MRTFB: variants seen among roughly 807,000 people sequenced by gnomAD.
MRTFB encodes the protein myocardin-related transcription factor B.
In MRTFB, 29 loss-of-function variants were observed where a neutral mutation model predicts 104.2. That is an observed-to-expected ratio of 0.28 (90% confidence interval 0.21 to 0.38). The LOEUF (loss-of-function observed/expected upper bound fraction) is 0.38, where lower values mean the gene tolerates loss of function less well. Among genes scored for constraint, MRTFB ranks in the 10% least tolerant of loss-of-function variants. The probability of loss-of-function intolerance (pLI) is 1.00; values close to 1 mark genes in which losing one functional copy is unlikely to be tolerated. For synonymous variants in MRTFB, 535 were observed against 519.5 expected, an observed-to-expected ratio of 1.03 and a Z score of -0.41; for missense variants, 1,270 against 1,341.6, an observed-to-expected ratio of 0.95 and a Z score of 0.83.
chr16:14,198,239 TTTGGGC>T (rs2040525486), intron 3 of MRTFB, among the ~76,000 whole-genome samples: 2 of 152,248 alleles, frequency 1.3e-5, no homozygotes, highest in Non-Finnish European at 2.9e-5. Flanking sequence ...GTTGATGACA[TTTGGGC>T]AGTTTCTGCC....
chr16:14,037,309 G>T, the MRTFB span, among the ~76,000 whole-genome samples: 1 of 152,218 alleles, frequency 6.6e-6, no homozygotes, highest in Non-Finnish European at 1.5e-5. Context: ...GTAGATCATG[G>T]TTATTGTTAT....
the MRTFB span, among the ~76,000 whole-genome samples, chr16:14,053,547 A>AT: frequency 6.6e-6 from 1 of 152,072 alleles, no homozygotes; most frequent in African/African-American, 2.4e-5. Context: ...TCTGGCCAAC[A>AT]TGGTGAAACC....
intron 4 of MRTFB, among the ~76,000 whole-genome samples, chr16:14,211,503 T>G (rs2041188150): frequency 6.6e-6 from 1 of 152,182 alleles, no homozygotes; most frequent in Non-Finnish European, 1.5e-5. Context: ...GGAATCCCAG[T>G]CCTCTATCCC....
chr16:14,237,897 A>G (rs1327002832), intron 9 of MRTFB, among the ~76,000 whole-genome samples: 1 of 152,180 alleles, frequency 6.6e-6, no homozygotes, highest in East Asian at 1.9e-4. Context: ...AAGAGTAGGA[A>G]AATTAAAGGA....
chr16:14,079,992 T>C (rs1228347357), intron 2 of MRTFB, among the ~76,000 whole-genome samples: 4 of 152,254 alleles, frequency 2.6e-5, no homozygotes, highest in Admixed American at 6.5e-5. Flanking sequence ...TCTGCGGGAA[T>C]TGGAAAGATA....
intron 3 of MRTFB, chr16:14,151,652 C>T (rs2038620793): frequency 6.6e-6 from 1 of 152,178 alleles, no homozygotes; most frequent in Admixed American, 6.5e-5. Flanking sequence ...CATGTACCTT[C>T]ATAACATTTG....
chr16:14,161,108 T>C (rs1180416903), intron 3 of MRTFB, among the ~76,000 whole-genome samples: 40 of 147,668 alleles, frequency 2.7e-4, no homozygotes. Flanking sequence ...TTTTTTTTTT[T>C]TTTGTAATCG....
intron 2 of MRTFB, among the ~76,000 whole-genome samples, chr16:14,079,751 G>T (rs543393946): frequency 6.7e-6 from 1 of 150,324 alleles, no homozygotes; most frequent in East Asian, 1.9e-4. Flanking sequence ...AAAATTTTGG[G>T]TTTTTTTTTA....
chr16:14,242,925 C>T (rs1368310870), intron 10 of MRTFB, among the ~76,000 whole-genome samples: 1 of 151,778 alleles, frequency 6.6e-6, no homozygotes, highest in Non-Finnish European at 1.5e-5. Context: ...TAATACCACT[C>T]ACAAGGAAGC....
chr16:14,156,022 G>T (rs1417768765), intron 3 of MRTFB, among the ~76,000 whole-genome samples: 1 of 152,028 alleles, frequency 6.6e-6, no homozygotes, highest in Non-Finnish European at 1.5e-5. Context: ...AAGCTCCTGT[G>T]TGATTTCTCC....
chr16:14,087,314 G>T (rs1010158597), intron 2 of MRTFB, among the ~76,000 whole-genome samples: 4 of 152,166 alleles, frequency 2.6e-5, no homozygotes, highest in Non-Finnish European at 5.9e-5. Context: ...TTAAGGATAT[G>T]TACTGAACCT....
chr16:14,242,235 G>A (rs1037740062), intron 10 of MRTFB, among the ~76,000 whole-genome samples: 1 of 152,030 alleles, frequency 6.6e-6, no homozygotes, highest in Non-Finnish European at 1.5e-5. Flanking sequence ...TAGATAGGAA[G>A]AATCCATCAG....
chr16:14,033,362 A>G, the MRTFB span, among the ~76,000 whole-genome samples: 1 of 139,062 alleles, frequency 7.2e-6, no homozygotes, highest in South Asian at 2.4e-4. Flanking sequence ...CCTGGGCAAT[A>G]TAGCAAGACC....
intron 15 of MRTFB, among the ~76,000 whole-genome samples, chr16:14,255,886 G>C (rs375915295): frequency 1.3e-5 from 2 of 152,030 alleles, no homozygotes; most frequent in Non-Finnish European, 2.9e-5. Context: ...GGCGAAGTGG[G>C]AGGATTGCTT....
Position 14,265,635 on chromosome 16 carries a change from C to T in MRTFB, c.*4191C>T, listed in dbSNP as rs1347477031. 2.6e-5 allele frequency: 4 copies of T among 152,206 alleles called. No individual in the cohort carries two copies. Among genetic ancestry groups the T allele is most frequent in the Admixed American group, 1.3e-4 (2 of 15,284 alleles). 9.4% of individuals were successfully genotyped at this position (152,206 alleles called of 1,614,324 possible). A position where few individuals can be genotyped will look rare whatever the true frequency, so the allele number is the denominator to read the frequency against. The stretch of plus-strand genomic sequence containing the variant: ...AGCAGGTGCGTGTTTTTTCCACATT[C>T]GCCCTTTCTTGCAGTATCCAGGGAA... On this transcript the variant is annotated 3_prime_UTR_variant, in exon 17 of 17. Coordinates refer to ENST00000571589, the MANE Select transcript of MRTFB (RefSeq NM_001308142.2).
At chr16:14,111,468 T>C (rs1162346350) in intron 2 of MRTFB, among the ~76,000 whole-genome samples, 2 of 152,210 alleles carry the variant, frequency 1.3e-5, no homozygotes, top group Non-Finnish European at 2.9e-5. Flanking sequence ...GAACATTCAC[T>C]AGAGGTGAAT....
intron 3 of MRTFB, among the ~76,000 whole-genome samples, chr16:14,198,587 T>A (rs1744925798): frequency 1.3e-5 from 2 of 152,254 alleles, no homozygotes; most frequent in Admixed American, 1.3e-4. Flanking sequence ...TAACCATGTT[T>A]CTCTTCTTGA....
At chr16:14,120,613 G>C (rs992268290) in intron 2 of MRTFB, among the ~76,000 whole-genome samples, 1 of 152,180 alleles carries the variant, frequency 6.6e-6, no homozygotes, top group Admixed American at 6.5e-5. Flanking sequence ...TACATGGGCA[G>C]CTTCATCGGT....
chr16:14,029,886 C>T, the MRTFB span, among the ~76,000 whole-genome samples: 5 of 152,076 alleles, frequency 3.3e-5, no homozygotes, highest in African/African-American at 1.2e-4. Context: ...CCTCCGCAGG[C>T]TCATTCCCTG....
Sources: allele counts gnomAD v4.1 joint callset (sites outside exome capture counted in the v4.1 genomes callset), GRCh38; gene constraint gnomAD v4.1.1; transcripts MANE v1.5; gene names NCBI Gene and HGNC (gene_info 2026-07-23, HGNC 2026-07-21).